ANKS1B: variants seen among roughly 807,000 people sequenced by gnomAD.
The protein encoded by ANKS1B is ankyrin repeat and sterile alpha motif domain containing 1B, also known as ankyrin repeat and sterile alpha motif domain-containing protein 1B.
A neutral mutation model predicts 148.3 loss-of-function variants in ANKS1B; 36 were observed. The observed-to-expected ratio is 0.24, with a 90% CI of 0.19 to 0.32. ANKS1B has a LOEUF of 0.32. Among genes scored for constraint, ANKS1B ranks in the 10% least tolerant of loss-of-function variants. The pLI, the probability that ANKS1B is intolerant of heterozygous loss-of-function variation, is 1.00. For missense variants in ANKS1B, 1,157 were observed against 1,542.6 expected, an observed-to-expected ratio of 0.75 and a Z score of 4.19; for synonymous variants, 542 against 560.8, an observed-to-expected ratio of 0.97 and a Z score of 0.47.
chr12:99,517,907 T>A (rs1339543828), intron 9 of ANKS1B, among the ~76,000 whole-genome samples: 1 of 152,192 alleles, frequency 6.6e-6, no homozygotes, highest in African/African-American at 2.4e-5. Context: ...TACTCAGTTT[T>A]TTGAAGGTTT....
At chr12:99,700,694 C>T (rs2054664950) in intron 8 of ANKS1B, among the ~76,000 whole-genome samples, 1 of 152,062 alleles carries the variant, frequency 6.6e-6, no homozygotes, top group South Asian at 2.1e-4. Context: ...TGTAGTGGTA[C>T]CACAGGTAAC....
intron 17 of ANKS1B, among the ~76,000 whole-genome samples, chr12:99,010,150 A>G (rs1369547813): frequency 6.6e-6 from 1 of 152,190 alleles, no homozygotes; most frequent in Admixed American, 6.5e-5. Flanking sequence ...GAGTGTGATG[A>G]TTAAGAGCAT....
chr12:99,247,899 T>A (rs982527995), intron 12 of ANKS1B, among the ~76,000 whole-genome samples: 9 of 152,170 alleles, frequency 5.9e-5, no homozygotes, highest in African/African-American at 2.2e-4. Flanking sequence ...GTATAGTAAA[T>A]GTGGTACATA....
intron 12 of ANKS1B, among the ~76,000 whole-genome samples, chr12:99,393,751 C>A (rs571641189): frequency 1.1e-4 from 16 of 152,250 alleles, no homozygotes; most frequent in African/African-American, 3.9e-4. Context: ...TTGACTCCAG[C>A]AATACTTTGA....
chr12:99,117,521 C>A (rs950807137), intron 15 of ANKS1B, among the ~76,000 whole-genome samples: 2 of 152,152 alleles, frequency 1.3e-5, no homozygotes, highest in African/African-American at 2.4e-5. Flanking sequence ...GTATGTTGAA[C>A]CAACCTTGCA....
intron 11 of ANKS1B, among the ~76,000 whole-genome samples, chr12:99,437,356 G>A (rs546668720): frequency 1.2e-4 from 18 of 151,746 alleles, no homozygotes; most frequent in Non-Finnish European, 2.2e-4. Flanking sequence ...TAGAAATTTG[G>A]GGAAAACACA....
intron 12 of ANKS1B, among the ~76,000 whole-genome samples, chr12:99,262,684 T>G (rs1459093739): frequency 6.6e-6 from 1 of 152,072 alleles, no homozygotes; most frequent in Admixed American, 6.6e-5. Flanking sequence ...AAAAAAAATT[T>G]AAATCTCACC....
chr12:99,951,125 C>T (rs2095212076), intron 1 of ANKS1B, among the ~76,000 whole-genome samples: 1 of 152,174 alleles, frequency 6.6e-6, no homozygotes, highest in South Asian at 2.1e-4. Flanking sequence ...GATTTCCATC[C>T]ATCTCTATGT....
intron 1 of ANKS1B, among the ~76,000 whole-genome samples, chr12:99,922,478 G>A (rs1429199455): frequency 6.6e-6 from 1 of 152,114 alleles, no homozygotes; most frequent in Admixed American, 6.6e-5. Flanking sequence ...TCAACAGATT[G>A]ATACCATTAA....
At chr12:99,326,735 A>G (rs924863464) in intron 12 of ANKS1B, among the ~76,000 whole-genome samples, 1 of 151,438 alleles carries the variant, frequency 6.6e-6, no homozygotes, top group Non-Finnish European at 1.5e-5. Context: ...AACTTTTTGA[A>G]GTCCCCTTGT....
intron 1 of ANKS1B, among the ~76,000 whole-genome samples, chr12:99,957,002 C>T (rs1252337669): frequency 6.6e-6 from 1 of 152,174 alleles, no homozygotes; most frequent in East Asian, 1.9e-4. Flanking sequence ...AAAGTGGAGT[C>T]TTACAGAGCT....
chr12:98,966,324 A>G (rs2099877854), intron 17 of ANKS1B, among the ~76,000 whole-genome samples: 1 of 152,216 alleles, frequency 6.6e-6, no homozygotes, highest in South Asian at 2.1e-4. Context: ...GCCATCAGAG[A>G]AATGCAAATC....
intron 1 of ANKS1B, among the ~76,000 whole-genome samples, chr12:99,973,625 C>A (rs183694926): frequency 3.9e-5 from 6 of 152,252 alleles, no homozygotes; most frequent in Admixed American, 1.3e-4. Context: ...AGGAGGCCAA[C>A]ATTAACAGGA....
At chr12:99,572,509 C>T (rs943746265) in intron 9 of ANKS1B, among the ~76,000 whole-genome samples, 3 of 151,972 alleles carry the variant, frequency 2.0e-5, no homozygotes, top group African/African-American at 7.2e-5. Context: ...TCAAAACTAT[C>T]TAATGTATAA....
intron 19 of ANKS1B, among the ~76,000 whole-genome samples, chr12:98,816,857 G>C (rs898248438): frequency 6.6e-6 from 1 of 152,022 alleles, no homozygotes. Flanking sequence ...CCATCAACTC[G>C]ATAACCCCTA....
At chr12:99,747,444 A>G (rs2060698221) in intron 8 of ANKS1B, among the ~76,000 whole-genome samples, 1 of 151,972 alleles carries the variant, frequency 6.6e-6, no homozygotes, top group African/African-American at 2.4e-5. Context: ...TTTCCCAGAG[A>G]AATGCAACTG....
At chr12:98,988,821 T>C (rs1390046657) in intron 17 of ANKS1B, among the ~76,000 whole-genome samples, 2 of 152,234 alleles carry the variant, frequency 1.3e-5, no homozygotes, top group South Asian at 2.1e-4. Flanking sequence ...TATCTCCTTA[T>C]GGTTTTGATT....
chr12:99,039,701 T>C (rs976061360), intron 17 of ANKS1B, among the ~76,000 whole-genome samples: 2 of 152,160 alleles, frequency 1.3e-5, no homozygotes, highest in African/African-American at 4.8e-5. Context: ...TATTTATTTA[T>C]TATTATACTT....
At chr12:99,100,736 G>A (rs1358543946) in intron 15 of ANKS1B, among the ~76,000 whole-genome samples, 4 of 152,166 alleles carry the variant, frequency 2.6e-5, no homozygotes, top group Non-Finnish European at 5.9e-5. Flanking sequence ...TGCCATGTTG[G>A]CCACGCTGGT....
Sources: allele counts gnomAD v4.1 joint callset (sites outside exome capture counted in the v4.1 genomes callset), GRCh38; gene constraint gnomAD v4.1.1; transcripts MANE v1.5; gene names NCBI Gene and HGNC (gene_info 2026-07-23, HGNC 2026-07-21).